LTF: variants seen among roughly 807,000 people sequenced by gnomAD.
The protein encoded by LTF is epididymis luminal protein 110.
In LTF, 91 loss-of-function variants were observed where a neutral mutation model predicts 87.2. The ratio of observed to expected loss-of-function variants is 1.04; its 90% CI spans 0.88 to 1.24. LTF has a LOEUF of 1.24. Among genes scored for constraint, LTF ranks in the 50% most tolerant of loss-of-function variants. The pLI is 0.00. For synonymous variants in LTF, 378 were observed against 356.1 expected (o/e 1.06, Z -0.69); for missense variants, 901 against 904.3 (o/e 1.00, Z 0.05).
intron 1 of LTF, chr3:46,470,474 G>A (rs1269345494): frequency 3.9e-5 from 6 of 152,338 alleles, no homozygotes; most frequent in African/African-American, 1.2e-4. Flanking sequence ...GTCCTGCAAG[G>A]ACAAGATCAG....
intron 2 of LTF, 120 bp downstream of exon 2, chr3:46,459,536 C>T (rs1703022907): frequency 2.0e-6 from 2 of 988,974 alleles, no homozygotes; most frequent in South Asian, 3.5e-5. Context: ...AGGACGGCTC[C>T]CCACTTCGTT....
Position 46,445,514 on chromosome 3 carries a change from AGC to A in LTF, c.1358-80_1358-79del, listed in dbSNP as rs1702632043. 5.9e-6 allele frequency: 8 copies of A among 1,352,514 alleles called. No homozygotes were observed. In the East Asian group the frequency reaches 2.0e-4, roughly 33 times the overall value. 83.8% of individuals were successfully genotyped at this position (1,352,514 alleles called of 1,614,324 possible). ...CATGGATTCCAGTGGAGCTGTCTAC[AGC>A]CCAGGCCAAAACAGGCCAAGAAGCA... On this transcript the variant is annotated intron_variant, in intron 11 of 16. Coordinates refer to ENST00000231751, the MANE Select transcript of LTF (RefSeq NM_002343.6).
At chr3:46,452,174 A>G (rs1205267376) in intron 6 of LTF, among the ~76,000 whole-genome samples, 1 of 152,248 alleles carries the variant, frequency 6.6e-6, no homozygotes, top group Admixed American at 6.5e-5. Context: ...GAGGAGTAAC[A>G]AGTTATAAGA....
At chr3:46,464,803 G>GC (rs1422027333) in intron 1 of LTF, 22 bp downstream of exon 1, 2 of 1,613,500 alleles carry the variant, frequency 1.2e-6, no homozygotes, top group Admixed American at 1.7e-5. Context: ...GGCGGCTCGC[G>GC]CCCCCAGGCA....
intron 4 of LTF, 47 bp downstream of exon 4, chr3:46,455,749 A>G (rs1378612106): frequency 1.3e-6 from 2 of 1,523,380 alleles, no homozygotes; most frequent in African/African-American, 1.4e-5. Flanking sequence ...TACAACTGGA[A>G]TAGAGCCCCC....
chr3:46,439,768 A>G (rs1423224198), intron 14 of LTF, among the ~76,000 whole-genome samples: 3 of 152,244 alleles, frequency 2.0e-5, no homozygotes, highest in Non-Finnish European at 2.9e-5. Flanking sequence ...TAAGTGAAAG[A>G]AGCCAGTCAC....
At chr3:46,448,758 C>T (rs996110132) in intron 9 of LTF, 105 bp downstream of exon 9, 6 of 1,385,136 alleles carry the variant, frequency 4.3e-6, no homozygotes, top group Non-Finnish European at 5.9e-6. Flanking sequence ...CTGCCTCACC[C>T]AGGCCCCCGT....
chr3:46,471,068 A>G (rs1443268708), intron 1 of LTF, among the ~76,000 whole-genome samples: 1 of 152,156 alleles, frequency 6.6e-6, no homozygotes, highest in Non-Finnish European at 1.5e-5. Context: ...GGACCCAGAG[A>G]GTCGCCATCC....
Position 46,441,449 on chromosome 3 carries a change from C to G in LTF, c.1690G>C (p.Val564Leu). ...TTCTGCAAGACAGTGACATCTTTCACAAATGCAACGTCTCCAGCATTCTCA... is the reference window on the plus strand; with the variant it reads ...TTCTGCAAGACAGTGACATCTTTCAGAAATGCAACGTCTCCAGCATTCTCA... ...LAENAGDVAF[V>L]KDVTVLQNTD... is the part of the protein sequence containing the mutation. Residue 564 changes from valine (V) to leucine (L), a missense_variant, in exon 14 of 17, where the codon GTG becomes CTG. Coordinates refer to ENST00000231751, the MANE Select transcript of LTF (RefSeq NM_002343.6). 6.2e-7 allele frequency: 1 copy of G among 1,613,872 alleles called. No homozygotes were observed. The highest frequency in any genetic ancestry group is 2.2e-5 in the East Asian group (1 of 44,856).
chr3:46,446,676 C>T (rs973383552), intron 10 of LTF, among the ~76,000 whole-genome samples, 183 bp from the exon 11 acceptor site: 3 of 152,192 alleles, frequency 2.0e-5, no homozygotes, highest in Non-Finnish European at 4.4e-5. Context: ...CTGCATTATT[C>T]ACCACAGCCA....
chr3:46,472,489 TGTGTGTG>T (rs1703305192), intron 1 of LTF, among the ~76,000 whole-genome samples: 2 of 18,414 alleles, frequency 1.1e-4, no homozygotes, highest in Non-Finnish European at 8.2e-5. Context: ...AAAAGATTAT[TGTGTGTG>T]TGTGTGTGTG....
intron 1 of LTF, among the ~76,000 whole-genome samples, chr3:46,479,508 C>CTGTT (rs56170464): frequency 0.012 from 1,769 of 150,644 alleles, 16 homozygotes; most frequent in Middle Eastern, 0.031. Flanking sequence ...AGTGGCTTTT[C>CTGTT]TGTTTGTTTG....
rs1018972976 is a variant in LTF at position 46,464,881 on chromosome 3, A to C, written c.-14T>G. ...GACAAGTTTCATGTCTGCGGTCTGG[A>C]GGCGACTTGGCAAACGAAGGCTCTG... On this transcript the variant is annotated 5_prime_UTR_variant, in exon 1 of 17. Coordinates refer to ENST00000231751, the MANE Select transcript of LTF (RefSeq NM_002343.6). 6.2e-7 allele frequency: 1 copy of C among 1,613,824 alleles called. No homozygotes were observed. Among genetic ancestry groups the C allele is most frequent in the Non-Finnish European group, 8.5e-7 (1 of 1,179,982 alleles).
At chr3:46,442,289 A>C (rs1219157319) in intron 13 of LTF, among the ~76,000 whole-genome samples, 1 of 152,170 alleles carries the variant, frequency 6.6e-6, no homozygotes, top group Non-Finnish European at 1.5e-5. Flanking sequence ...CAGAGTCAGC[A>C]GAAAGTTAAA....
chr3:46,481,152 T>C (rs1703425795), intron 1 of LTF, among the ~76,000 whole-genome samples: 1 of 152,178 alleles, frequency 6.6e-6, no homozygotes, highest in African/African-American at 2.4e-5. Context: ...CCTGCACCTT[T>C]GTGACCTCTT....
intron 1 of LTF, among the ~76,000 whole-genome samples, chr3:46,482,655 A>AAG (rs1703458397): frequency 3.0e-4 from 26 of 87,148 alleles, no homozygotes; most frequent in South Asian, 5.0e-4. Context: ...AAAGAAAGAA[A>AAG]GAAAGAAGGA....
chr3:46,481,089 C>T (rs1703425337), intron 1 of LTF, among the ~76,000 whole-genome samples: 2 of 152,180 alleles, frequency 1.3e-5, no homozygotes, highest in African/African-American at 4.8e-5. Flanking sequence ...TCTCCTTGGC[C>T]CCTCCAACTC....
chr3:46,481,472 GT>G (rs1377592270), intron 1 of LTF, among the ~76,000 whole-genome samples: 1 of 152,156 alleles, frequency 6.6e-6, no homozygotes, highest in African/African-American at 2.4e-5. Context: ...TTTCTCCCTA[GT>G]TTTTACCCTT....
intron 9 of LTF, 45 bp downstream of exon 9, chr3:46,448,818 T>C: frequency 6.3e-7 from 1 of 1,599,616 alleles, no homozygotes; most frequent in Non-Finnish European, 8.5e-7. Context: ...AGGCCCTAGG[T>C]CTTCCACCGG....
Sources: gnomAD v4.1 joint callset for allele counts (sites outside exome capture counted in the v4.1 genomes callset) on GRCh38, gnomAD v4.1.1 for gene constraint, MANE v1.5 for transcripts, NCBI Gene and HGNC (gene_info 2026-07-23, HGNC 2026-07-21) for gene names.